The following DYNC2I1 variants were observed in gnomAD, a reference collection of about 807,000 sequenced individuals.
DYNC2I1 encodes the protein cytoplasmic dynein 2 intermediate chain 1.
DYNC2I1 carries 89 observed loss-of-function variants against 133.4 expected under a neutral mutation model. The observed-to-expected ratio is 0.67, with a 90% CI of 0.56 to 0.80. The LOEUF (loss-of-function observed/expected upper bound fraction) is 0.80, where lower values mean the gene tolerates loss of function less well. Ranked by LOEUF, DYNC2I1 falls within the 30% of genes least tolerant of loss-of-function variation. The pLI is 0.00. For missense variants in DYNC2I1, 1,291 were observed against 1,314.5 expected, an observed-to-expected ratio of 0.98 and a Z score of 0.28; for synonymous variants, 504 against 484.3, an observed-to-expected ratio of 1.04 and a Z score of -0.54.
chr7:158,887,517 T>C (rs1370316029), intron 7 of DYNC2I1, among the ~76,000 whole-genome samples: 2 of 152,154 alleles, frequency 1.3e-5, no homozygotes, highest in East Asian at 1.9e-4. Context: ...TTAATAATAA[T>C]AGTAACTTTA....
intron 21 of DYNC2I1, among the ~76,000 whole-genome samples, 186 bp downstream of exon 21, chr7:158,930,701 T>C (rs1442869742): frequency 1.3e-5 from 2 of 152,218 alleles, no homozygotes; most frequent in African/African-American, 4.8e-5. Flanking sequence ...GGAGTTTCAC[T>C]CTTGTTGCCC....
intron 1 of DYNC2I1, among the ~76,000 whole-genome samples, chr7:158,857,894 G>A (rs1439688690): frequency 6.6e-6 from 1 of 150,634 alleles, no homozygotes; most frequent in African/African-American, 2.4e-5. Context: ...GGGTTCCAGC[G>A]ATTCTCCTGC....
chr7:158,873,980 A>G (rs578103934), intron 3 of DYNC2I1, among the ~76,000 whole-genome samples: 5 of 152,116 alleles, frequency 3.3e-5, no homozygotes, highest in African/African-American at 1.2e-4. Context: ...GCTAGTCTTG[A>G]ACTCCTGAGC....
intron 24 of DYNC2I1, among the ~76,000 whole-genome samples, chr7:158,943,944 G>T (rs927368505): frequency 6.6e-6 from 1 of 152,156 alleles, no homozygotes; most frequent in East Asian, 1.9e-4. Flanking sequence ...CTTCCCACAC[G>T]GGAAAAGGCT....
chr7:158,938,112 G>T (rs1361735826), intron 23 of DYNC2I1, among the ~76,000 whole-genome samples: 1 of 152,144 alleles, frequency 6.6e-6, no homozygotes, highest in Non-Finnish European at 1.5e-5. Flanking sequence ...TCCAGGTATA[G>T]GAAGGTCAGA....
rs180752271 is a variant in DYNC2I1, at chr7:158,944,356, C to T, written c.3003-1225C>T. ...GACGGGTGCTAGTACTGTGTTTGCACATCTGCCGTAGGTGTAGTTTTAAAG... is the reference window on the plus strand; with the variant it reads ...GACGGGTGCTAGTACTGTGTTTGCATATCTGCCGTAGGTGTAGTTTTAAAG... On this transcript the variant is annotated intron_variant, in intron 24 of 24. Transcript: ENST00000407559. Among the ~76,000 whole-genome samples the T allele has an allele frequency of 1.6e-4, 24 of 152,246 alleles. 1 individual carries two copies.
intron 1 of DYNC2I1, among the ~76,000 whole-genome samples, chr7:158,863,153 A>G (rs1371825088): frequency 6.6e-6 from 1 of 151,096 alleles, no homozygotes; most frequent in Non-Finnish European, 1.5e-5. Context: ...TTATTCCCTT[A>G]TTTGGCCCTG....
chr7:158,910,221 T>G (rs1445861225), intron 11 of DYNC2I1, among the ~76,000 whole-genome samples: 2 of 152,252 alleles, frequency 1.3e-5, no homozygotes, highest in Non-Finnish European at 2.9e-5. Flanking sequence ...AAAGGAACTG[T>G]TTGTGAAGCA....
chr7:158,855,888 G>A (rs1841192696), upstream of DYNC2I1, among the ~76,000 whole-genome samples: 1 of 151,594 alleles, frequency 6.6e-6, no homozygotes, highest in Non-Finnish European at 1.5e-5. Flanking sequence ...GACGACATAT[G>A]GGAATATAAT....
At chr7:158,863,587 G>C (rs990990919) in intron 1 of DYNC2I1, among the ~76,000 whole-genome samples, 2 of 143,044 alleles carry the variant, frequency 1.4e-5, no homozygotes, top group East Asian at 2.2e-4. Flanking sequence ...TGTGTGTGAG[G>C]GGGGCGGTGA....
chr7:158,870,362 C>CTT (rs11388411), intron 2 of DYNC2I1, among the ~76,000 whole-genome samples: 1 of 151,314 alleles, frequency 6.6e-6, no homozygotes, highest in African/African-American at 2.4e-5. Flanking sequence ...TAATTTTACT[C>CTT]TTTTTTTTAG....
chr7:158,868,254 T>A (rs1842579606), intron 1 of DYNC2I1, among the ~76,000 whole-genome samples: 1 of 152,166 alleles, frequency 6.6e-6, no homozygotes, highest in East Asian at 1.9e-4. Flanking sequence ...TTAGAACAGT[T>A]GGATACCTGG....
intron 3 of DYNC2I1, among the ~76,000 whole-genome samples, 179 bp downstream of exon 3, chr7:158,871,741 G>A (rs1283338102): frequency 6.6e-6 from 1 of 152,048 alleles, no homozygotes; most frequent in Non-Finnish European, 1.5e-5. Context: ...TGCCATCACA[G>A]CTCACGGCAG....
At chr7:158,841,195 A>ATATG in the DYNC2I1 span, among the ~76,000 whole-genome samples, 1 of 67,292 alleles carries the variant, frequency 1.5e-5, no homozygotes, top group African/African-American at 8.7e-5. Context: ...ATATATATAT[A>ATATG]TATATATATA....
intron 7 of DYNC2I1, 39 bp downstream of exon 7, chr7:158,887,114 T>C: frequency 6.3e-7 from 1 of 1,587,048 alleles, no homozygotes; most frequent in Non-Finnish European, 8.6e-7. Context: ...GATTTTATGG[T>C]ACATTGAGAT....
At chr7:158,850,718 C>T in the DYNC2I1 span, among the ~76,000 whole-genome samples, 1 of 152,150 alleles carries the variant, frequency 6.6e-6, no homozygotes, top group Admixed American at 6.5e-5. Flanking sequence ...GACTTTGGAC[C>T]AGAGAATTTC....
intron 23 of DYNC2I1, among the ~76,000 whole-genome samples, chr7:158,939,754 TAC>T (rs1851142058): frequency 6.6e-6 from 1 of 152,050 alleles, no homozygotes; most frequent in African/African-American, 2.4e-5. Flanking sequence ...GACACACTCA[TAC>T]TAAAAGGGTG....
At chr7:158,924,396 G>A (rs1849405370) in intron 17 of DYNC2I1, among the ~76,000 whole-genome samples, 1 of 152,242 alleles carries the variant, frequency 6.6e-6, no homozygotes, top group African/African-American at 2.4e-5. Flanking sequence ...GACTGAAGGT[G>A]CAGGCCGAGG....
At chr7:158,887,911 A>G (rs898522838) in intron 7 of DYNC2I1, among the ~76,000 whole-genome samples, 10 of 151,578 alleles carry the variant, frequency 6.6e-5, no homozygotes, top group South Asian at 4.2e-4. Context: ...CACAGTCTTC[A>G]TTATCTTCAC....
Sources: allele counts gnomAD v4.1 joint callset (sites outside exome capture counted in the v4.1 genomes callset), GRCh38; gene constraint gnomAD v4.1.1; transcripts MANE v1.5; gene names NCBI Gene and HGNC (gene_info 2026-07-23, HGNC 2026-07-21).